Variants in ARHGEF37 observed in about 807,000 individuals in gnomAD.
ARHGEF37 encodes the protein Rho guanine nucleotide exchange factor (GEF) 37.
Under a neutral mutation model 71.1 loss-of-function variants are expected in ARHGEF37, and 55 were observed. That is an observed-to-expected ratio of 0.77 (90% CI 0.62 to 0.97). ARHGEF37 has a LOEUF of 0.97. Among genes scored for constraint, ARHGEF37 ranks in the 50% least tolerant of loss-of-function variants. The pLI is 0.00. For synonymous variants in ARHGEF37, 327 were observed against 350.6 expected, an observed-to-expected ratio of 0.93 and a Z score of 0.75; for missense variants, 765 against 836.8, an observed-to-expected ratio of 0.91 and a Z score of 1.06.
At chr5:149,551,661 TTAC>T (rs1448126763), upstream of ARHGEF37, 1 of 152,348 alleles carries the variant, frequency 6.6e-6, no homozygotes, top group Non-Finnish European at 1.5e-5. Context: ...GTGTTACCTG[TTAC>T]TCGCCTCGGA....
intron 11 of ARHGEF37, among the ~76,000 whole-genome samples, chr5:149,628,473 T>C (rs1249743441): frequency 6.6e-6 from 1 of 152,182 alleles, no homozygotes; most frequent in African/African-American, 2.4e-5. Context: ...AAGCAGCTCT[T>C]GCTCTGGGCA....
At chr5:149,588,896 G>A (rs1475798318) in intron 1 of ARHGEF37, among the ~76,000 whole-genome samples, 1 of 152,076 alleles carries the variant, frequency 6.6e-6, no homozygotes, top group South Asian at 2.1e-4. Context: ...CTTTCCCCAG[G>A]GATCAGCTTA....
chr5:149,610,286 C>T (rs1764039646), intron 4 of ARHGEF37, among the ~76,000 whole-genome samples: 1 of 152,134 alleles, frequency 6.6e-6, no homozygotes, highest in Non-Finnish European at 1.5e-5. Flanking sequence ...ACCTGAGGCT[C>T]CCTCTCTACC....
chr5:149,620,086 A>G (rs986619636), intron 7 of ARHGEF37, among the ~76,000 whole-genome samples: 7 of 151,922 alleles, frequency 4.6e-5, no homozygotes, highest in African/African-American at 2.4e-5. Flanking sequence ...AAAAAAAAAA[A>G]AGAAAAAGAA....
chr5:149,587,684 A>G (rs954617519), intron 1 of ARHGEF37, among the ~76,000 whole-genome samples: 2 of 152,142 alleles, frequency 1.3e-5, no homozygotes, highest in Non-Finnish European at 2.9e-5. Context: ...CAGTCTTAAA[A>G]TATGCTTGGT....
chr5:149,622,484 A>G (rs552162684), intron 9 of ARHGEF37, among the ~76,000 whole-genome samples: 1 of 152,250 alleles, frequency 6.6e-6, no homozygotes, highest in African/African-American at 2.4e-5. Flanking sequence ...AGTATTTAGG[A>G]TGTACCTGTT....
At chr5:149,629,223 C>T (rs1180359593) in intron 12 of ARHGEF37, among the ~76,000 whole-genome samples, 1 of 90,446 alleles carries the variant, frequency 1.1e-5, no homozygotes, top group Non-Finnish European at 2.5e-5. Flanking sequence ...GAGATTCATT[C>T]ATTCATTCAT....
In ARHGEF37 at chr5:149,619,039, G is replaced by A. The variant is rs377074496; in HGVS notation, c.891G>A (p.Leu297=). Residue 297 remains leucine (L), a synonymous_variant, in exon 7 of 13, where the codon CTG becomes CTA. Transcript: ENST00000333677. ...ACGTGGCTGCTTACCTGGACAATCT[G>A]CAGGTGAGGACACTGCAGGGTTCAT... ...KNNVAAYLDN[L]QAFLYFRPHE... The A allele has an allele frequency of 1.4e-5, 23 of 1,613,184 alleles. No individual in the cohort carries two copies. In the African/African-American group the frequency reaches 2.9e-4, roughly 21 times the overall value.
intron 1 of ARHGEF37, among the ~76,000 whole-genome samples, chr5:149,586,696 A>G (rs1580893608): frequency 6.6e-6 from 1 of 152,252 alleles, no homozygotes; most frequent in Non-Finnish European, 1.5e-5. Flanking sequence ...ACAAATTAGT[A>G]GATATCTTTA....
chr5:149,626,119 C>T (rs1752676842), intron 10 of ARHGEF37, among the ~76,000 whole-genome samples: 1 of 152,102 alleles, frequency 6.6e-6, no homozygotes, highest in African/African-American at 2.4e-5. Flanking sequence ...AATCCTGAGA[C>T]GCCATCCCCT....
intron 1 of ARHGEF37, among the ~76,000 whole-genome samples, chr5:149,574,995 A>G (rs1763009538): frequency 6.6e-6 from 1 of 152,186 alleles, no homozygotes; most frequent in South Asian, 2.1e-4. Context: ...TCTTTCTAGA[A>G]TTAAATAATA....
chr5:149,587,326 C>A (rs1030273177), intron 1 of ARHGEF37, among the ~76,000 whole-genome samples: 1 of 152,058 alleles, frequency 6.6e-6, no homozygotes, highest in African/African-American at 2.4e-5. Flanking sequence ...CTTTAGACAA[C>A]TTCATACATC....
chr5:149,631,164 CTTCCT>C (rs1282387612), intron 12 of ARHGEF37, among the ~76,000 whole-genome samples: 13 of 141,778 alleles, frequency 9.2e-5, no homozygotes, highest in African/African-American at 3.4e-4. Flanking sequence ...TCCTTCCTTC[CTTCCT>C]TTCTTTTTTT....
At chr5:149,626,233 G>C (rs982477637) in intron 10 of ARHGEF37, among the ~76,000 whole-genome samples, 9 of 135,046 alleles carry the variant, frequency 6.7e-5, no homozygotes, top group African/African-American at 2.7e-4. Context: ...ACCACATAGA[G>C]CATGGTGAAC....
chr5:149,616,509 G>A (rs866035809), intron 4 of ARHGEF37, 58 bp from the exon 5 acceptor site: 7 of 1,490,512 alleles, frequency 4.7e-6, no homozygotes, highest in Non-Finnish European at 6.4e-6. Context: ...TACAGCCCAG[G>A]CCCCCTGGTC....
chr5:149,566,515 C>G (rs573893526), intron 1 of ARHGEF37, among the ~76,000 whole-genome samples: 5 of 144,246 alleles, frequency 3.5e-5, no homozygotes, highest in South Asian at 2.5e-4. Context: ...ATCCTCCCCC[C>G]CAAAAAAACC....
chr5:149,563,858 CCTTT>C (rs1477446885), intron 1 of ARHGEF37, among the ~76,000 whole-genome samples: 1 of 151,850 alleles, frequency 6.6e-6, no homozygotes, highest in Non-Finnish European at 1.5e-5. Flanking sequence ...GGTTTTAGAA[CCTTT>C]CTTCTAATCA....
intron 10 of ARHGEF37, 31 bp from the exon 11 acceptor site, chr5:149,627,045 C>A: frequency 1.3e-6 from 2 of 1,586,834 alleles, no homozygotes; most frequent in South Asian, 2.3e-5. Context: ...TATTCAAGCA[C>A]TTGTGTCTGT....
Position 149,619,003 on chromosome 5 carries a change from G to A in ARHGEF37, c.855G>A (p.Glu285=). ...AGTGGGTGTCTCTGTGTGTGACTGAGCTGAAGAACAACGTGGCTGCTTACC... is the reference window on the plus strand; with the variant it reads ...AGTGGGTGTCTCTGTGTGTGACTGAACTGAAGAACAACGTGGCTGCTTACC... ...RFQWVSLCVT[E]LKNNVAAYLD... The change falls in exon 7 of 13, where the codon GAG becomes GAA. Residue 285 remains glutamate (E), a synonymous_variant. Transcript: ENST00000333677. 6.2e-7 allele frequency: 1 copy of A among 1,614,198 alleles called. No individual in the cohort carries two copies. The highest frequency in any genetic ancestry group is 8.5e-7 in the Non-Finnish European group (1 of 1,180,034).
Sources: gnomAD v4.1 joint callset for allele counts (sites outside exome capture counted in the v4.1 genomes callset) on GRCh38, gnomAD v4.1.1 for gene constraint, MANE v1.5 for transcripts, NCBI Gene and HGNC (gene_info 2026-07-23, HGNC 2026-07-21) for gene names.